Variants in AKAP11 observed in about 807,000 individuals in gnomAD.
The protein encoded by AKAP11 is A-kinase anchoring protein 11, also known as A-kinase anchor protein 11.
AKAP11 carries 36 observed loss-of-function variants against 146.1 expected under a neutral mutation model. The observed-to-expected ratio is 0.25, with a 90% CI of 0.19 to 0.33. The LOEUF (loss-of-function observed/expected upper bound fraction) is 0.33, where lower values mean the gene tolerates loss of function less well. AKAP11 is among the 10% of genes least tolerant of loss of function. AKAP11 has a pLI of 1.00. For synonymous variants in AKAP11, 780 were observed against 786.5 expected, an observed-to-expected ratio of 0.99 and a Z score of 0.14; for missense variants, 2,201 against 2,197.0, an observed-to-expected ratio of 1.00 and a Z score of -0.04.
At chr13:42,289,561 A>G (rs1417741880) in intron 3 of AKAP11, among the ~76,000 whole-genome samples, 2 of 152,158 alleles carry the variant, frequency 1.3e-5, no homozygotes, top group Non-Finnish European at 2.9e-5. Flanking sequence ...TCTCAGGCTC[A>G]TAACTTTGAT....
intron 9 of AKAP11, among the ~76,000 whole-genome samples, 172 bp downstream of exon 9, chr13:42,308,781 C>T (rs1415123624): frequency 6.6e-6 from 1 of 152,078 alleles, no homozygotes; most frequent in Admixed American, 6.6e-5. Flanking sequence ...TTATTTAATA[C>T]AGTAAGTAGC....
In AKAP11 at chr13:42,300,974, C is replaced by T; in HGVS notation, c.2228C>T (p.Ser743Phe). 6.2e-7 allele frequency: 1 copy of T among 1,614,064 alleles called. No individual in the cohort carries two copies. The highest frequency in any genetic ancestry group is 1.1e-5 in the South Asian group (1 of 91,072). The change falls in exon 8 of 13, where the codon TCC becomes TTC. Residue 743 changes from serine to phenylalanine, a missense_variant. Coordinates refer to ENST00000025301, the MANE Select transcript of AKAP11 (RefSeq NM_016248.4). ...VVPSTQAVTFSPSFHNQAIMV... is the reference protein window; with the variant it reads ...VVPSTQAVTFFPSFHNQAIMV... ...CCATCGACACAGGCTGTCACGTTTT[C>T]CCCTTCTTTTCACAATCAAGCAATT... is the stretch of plus-strand genomic sequence containing the variant.
chr13:42,273,139 GCTTGC>G (rs1211579901), intron 1 of AKAP11, among the ~76,000 whole-genome samples: 2 of 152,050 alleles, frequency 1.3e-5, no homozygotes, highest in Non-Finnish European at 2.9e-5. Flanking sequence ...CTTTTCAATC[GCTTGC>G]AAAATGCTCG....
At chr13:42,271,852 GGGGCTGCCCCGC>G (rs914218349), upstream of AKAP11, among the ~76,000 whole-genome samples, 7 of 151,628 alleles carry the variant, frequency 4.6e-5, no homozygotes, top group Admixed American at 2.6e-4. Flanking sequence ...TGTGACCAGC[GGGGCTGCCCCGC>G]GGGCTGCTCC....
At chr13:42,276,499 G>T (rs991840205) in intron 1 of AKAP11, among the ~76,000 whole-genome samples, 2 of 152,102 alleles carry the variant, frequency 1.3e-5, no homozygotes, top group East Asian at 3.9e-4. Context: ...ACCTGCCTTG[G>T]CCTCCCAATG....
intron 1 of AKAP11, among the ~76,000 whole-genome samples, chr13:42,282,970 A>G (rs879783498): frequency 6.6e-6 from 1 of 152,242 alleles, no homozygotes; most frequent in Non-Finnish European, 1.5e-5. Context: ...TTAGGTGAAT[A>G]TACTGTATTT....
At chr13:42,292,884 G>A (rs1162222576) in intron 4 of AKAP11, among the ~76,000 whole-genome samples, 1 of 151,990 alleles carries the variant, frequency 6.6e-6, no homozygotes, top group Non-Finnish European at 1.5e-5. Context: ...TTATTTTCTT[G>A]ACTGTTTAAA....
intron 1 of AKAP11, among the ~76,000 whole-genome samples, chr13:42,276,648 C>G (rs1958927270): frequency 6.6e-6 from 1 of 152,154 alleles, no homozygotes; most frequent in Non-Finnish European, 1.5e-5. Context: ...AAAAAATTTT[C>G]TTTCAGCATC....
rs868039979 is a variant in AKAP11, at chr13:42,312,980, G to A, written c.5274-67G>A. Reference sequence around the variant, plus strand: ...AGTTATCAAGGACAGAAGCTGTTCCGAGGAAACAAAGGTCTTTTCTACTAT... The same window carrying A: ...AGTTATCAAGGACAGAAGCTGTTCCAAGGAAACAAAGGTCTTTTCTACTAT... On this transcript the variant is annotated intron_variant, in intron 9 of 12. Transcript: ENST00000025301. The A allele has an allele frequency of 3.2e-5, 43 of 1,356,746 alleles. No individual in the cohort carries two copies. In the South Asian group the frequency reaches 3.3e-4, roughly 10 times the overall value. 84.0% of individuals were successfully genotyped at this position (1,356,746 alleles called of 1,614,324 possible). A position where few individuals can be genotyped will look rare whatever the true frequency, so the allele number is the denominator to read the frequency against.
rs1232767328 is a variant in AKAP11 at position 42,323,246 on chromosome 13, A to G, written c.*4018A>G. The stretch of plus-strand genomic sequence containing the variant: ...TCTTCTCCCAGCTAAGAGTTCTTCA[A>G]TAAATTTAAGAAATACCTGGTCTTG... On this transcript the variant is annotated 3_prime_UTR_variant, in exon 13 of 13. Transcript: ENST00000025301. 6.5e-6 allele frequency: 1 copy of G among 152,694 alleles called. No individual in the cohort carries two copies. Among genetic ancestry groups the G allele is most frequent in the African/African-American group, 2.4e-5 (1 of 41,450 alleles). 9.5% of individuals were successfully genotyped at this position (152,694 alleles called of 1,614,324 possible). A position where few individuals can be genotyped will look rare whatever the true frequency, so the allele number is the denominator to read the frequency against.
intron 5 of AKAP11, 107 bp downstream of exon 5, chr13:42,295,849 C>G (rs953575965): frequency 6.3e-6 from 6 of 951,656 alleles, no homozygotes; most frequent in Non-Finnish European, 9.9e-6. Flanking sequence ...CGCAGACTGA[C>G]TTTTTCTGCA....
At position 42,302,193 on chromosome 13, in the gene AKAP11, G is replaced by A; in HGVS notation, c.3447G>A (p.Leu1149=). 1 of 1,614,158 alleles carries A rather than the reference G, an allele frequency of 6.2e-7. No homozygotes were observed. The highest frequency in any genetic ancestry group is 8.5e-7 in the Non-Finnish European group (1 of 1,180,018). The change falls in exon 8 of 13, where the codon TTG becomes TTA. Residue 1149 remains leucine (L), a synonymous_variant. Coordinates refer to ENST00000025301, the MANE Select transcript of AKAP11 (RefSeq NM_016248.4). ...CACACAACTCATCTGTTGGTAGTTTGTCTGAGAATGAACAAAATACTATAG... is the reference window on the plus strand; with the variant it reads ...CACACAACTCATCTGTTGGTAGTTTATCTGAGAATGAACAAAATACTATAG... ...STPHNSSVGS[L]SENEQNTIEK...
Position 42,303,095 on chromosome 13 carries a change from A to G in AKAP11, c.4349A>G (p.Glu1450Gly). 6.2e-7 allele frequency: 1 copy of G among 1,613,986 alleles called. No individual in the cohort carries two copies. Among genetic ancestry groups the G allele is most frequent in the African/African-American group, 1.3e-5 (1 of 75,034 alleles). The change falls in exon 8 of 13, where the codon GAG becomes GGG. Residue 1450 changes from glutamate (E) to glycine (G), a missense_variant. Around this residue, in one of 3 missense-constraint regions of AKAP11, gnomAD observed 1,867 missense variants for 1,833.5 expected, o/e 1.02. Transcript: ENST00000025301. Reference sequence around the variant, plus strand: ...AGGACCCTGGATCCATATAGAAATGAGGTCTCCCAACTGTATAGTTTTTCA... The same window carrying G: ...AGGACCCTGGATCCATATAGAAATGGGGTCTCCCAACTGTATAGTTTTTCA... ...CERTLDPYRNEVSQLYSFSTS... is the reference protein window; with the variant it reads ...CERTLDPYRNGVSQLYSFSTS...
At chr13:42,298,353 GA>G (rs1406023718) in intron 6 of AKAP11, among the ~76,000 whole-genome samples, 179 bp from the exon 7 acceptor site, 2 of 152,036 alleles carry the variant, frequency 1.3e-5, no homozygotes, top group African/African-American at 4.8e-5. Flanking sequence ...AAAAGGACTG[GA>G]AAGTGAAAAA....
At chr13:42,284,895 G>A (rs1414646920) in intron 1 of AKAP11, among the ~76,000 whole-genome samples, 4 of 152,106 alleles carry the variant, frequency 2.6e-5, no homozygotes, top group Non-Finnish European at 5.9e-5. Context: ...TTCAATTTCA[G>A]TAATTAATCA....
chr13:42,295,117 G>T (rs767551630), intron 4 of AKAP11, among the ~76,000 whole-genome samples: 4 of 152,158 alleles, frequency 2.6e-5, no homozygotes, highest in Non-Finnish European at 5.9e-5. Flanking sequence ...CAGGGGGAAG[G>T]CCTCTCTGAG....
chr13:42,313,811 A>C, intron 10 of AKAP11, 83 bp from the exon 11 acceptor site: 1 of 1,189,096 alleles, frequency 8.4e-7, no homozygotes, highest in Non-Finnish European at 1.2e-6. Flanking sequence ...ACATTCATTC[A>C]TTACCACATT....
chr13:42,278,653 A>G lies in AKAP11; in HGVS notation c.-100+6425A>G, dbSNP rs376048134. Among the ~76,000 whole-genome samples the G allele has an allele frequency of 5.3e-5, 8 of 152,270 alleles. No individual in the cohort carries two copies. The East Asian group carries it at 1.3e-3, about 26-fold the overall frequency. The stretch of plus-strand genomic sequence containing the variant: ...TTAAACCCTCTAATTAATTGTTACT[A>G]TTTTTAAACAGTTATATTTTAACTG... On this transcript the variant is annotated intron_variant, in intron 1 of 12. Transcript: ENST00000025301.
intron 3 of AKAP11, among the ~76,000 whole-genome samples, chr13:42,287,289 CT>C (rs148655463): frequency 2.2e-3 from 324 of 145,964 alleles, no homozygotes; most frequent in Admixed American, 6.4e-3. Flanking sequence ...ATGTTAATTA[CT>C]TTTTTTTTTT....
Sources: allele counts gnomAD v4.1 joint callset (sites outside exome capture counted in the v4.1 genomes callset), GRCh38; gene constraint gnomAD v4.1.1; regional missense constraint gnomAD v4.1.1; transcripts MANE v1.5; gene names NCBI Gene and HGNC (gene_info 2026-07-23, HGNC 2026-07-21).